Variants in SNAP91 observed in about 807,000 individuals in gnomAD.
The protein encoded by SNAP91 is clathrin coat assembly protein AP180.
In SNAP91, 27 loss-of-function variants were observed where a neutral mutation model predicts 100.3. That is an observed-to-expected ratio of 0.27 (90% CI 0.20 to 0.37). SNAP91 has a LOEUF of 0.37. Among genes scored for constraint, SNAP91 ranks in the 10% least tolerant of loss-of-function variants. The probability of loss-of-function intolerance (pLI) is 1.00; values close to 1 mark genes in which losing one functional copy is unlikely to be tolerated. For missense variants in SNAP91, 986 were observed against 1,123.7 expected (o/e 0.88, Z 1.75); for synonymous variants, 404 against 398.6 (o/e 1.01, Z -0.16).
chr6:83,697,886 G>A (rs569767718), intron 2 of SNAP91, among the ~76,000 whole-genome samples: 30 of 152,112 alleles, frequency 2.0e-4, no homozygotes, highest in African/African-American at 3.1e-4. Context: ...TATGTTTGGC[G>A]TGAGGAATAA....
intron 11 of SNAP91, among the ~76,000 whole-genome samples, chr6:83,614,300 T>C (rs1317988207): frequency 1.3e-5 from 2 of 152,136 alleles, no homozygotes; most frequent in Non-Finnish European, 2.9e-5. Context: ...AAACAGACAA[T>C]ATATAAAGGT....
chr6:83,571,033 T>C lies in SNAP91; in HGVS notation c.2442+3977A>G, dbSNP rs945941136. On this transcript the variant is annotated intron_variant, in intron 26 of 29. Coordinates refer to ENST00000369694, the MANE Select transcript of SNAP91 (RefSeq NM_001242792.2). Reference sequence around the variant, plus strand: ...GCCACAGACACTCAACACCAGCCTGTGAAAGCACCCAGGAGGAGGGCTATA... The same window carrying C: ...GCCACAGACACTCAACACCAGCCTGCGAAAGCACCCAGGAGGAGGGCTATA... Among the ~76,000 whole-genome samples the C allele has an allele frequency of 2.6e-5, 4 of 151,654 alleles. No individual in the cohort carries two copies. In the East Asian group the frequency reaches 7.8e-4, roughly 29 times the overall value.
At chr6:83,674,591 G>A (rs1053055667) in intron 2 of SNAP91, among the ~76,000 whole-genome samples, 5 of 152,096 alleles carry the variant, frequency 3.3e-5, no homozygotes, top group Non-Finnish European at 7.4e-5. Context: ...CCAGCTCTAA[G>A]TTTCTCTGAG....
chr6:83,645,158 G>T (rs1253783446), intron 7 of SNAP91, among the ~76,000 whole-genome samples: 1 of 151,970 alleles, frequency 6.6e-6, no homozygotes, highest in African/African-American at 2.4e-5. Context: ...GAAAGTCCTT[G>T]AACACTGCTT....
intron 26 of SNAP91, among the ~76,000 whole-genome samples, chr6:83,564,614 C>T (rs891011911): frequency 6.6e-6 from 1 of 152,062 alleles, no homozygotes; most frequent in Admixed American, 6.6e-5. Context: ...ATCCATACAT[C>T]TTAGCTTTCC....
At chr6:83,571,137 G>C (rs1026643266) in intron 26 of SNAP91, among the ~76,000 whole-genome samples, 11 of 151,000 alleles carry the variant, frequency 7.3e-5, no homozygotes, top group African/African-American at 2.7e-4. Flanking sequence ...GTGGAGTCTC[G>C]CTCTGTCACA....
intron 2 of SNAP91, among the ~76,000 whole-genome samples, chr6:83,671,655 G>C (rs2098788712): frequency 6.6e-6 from 1 of 151,992 alleles, no homozygotes; most frequent in South Asian, 2.1e-4. Context: ...TCTCTCTAAG[G>C]TGAGATTTTC....
At chr6:83,646,144 T>C (rs1351004269) in intron 7 of SNAP91, among the ~76,000 whole-genome samples, 11 of 152,240 alleles carry the variant, frequency 7.2e-5, no homozygotes, top group Non-Finnish European at 1.5e-4. Context: ...ATGTGGTTTT[T>C]GCAAATATTG....
At chr6:83,708,086 G>A (rs1222326851) in intron 1 of SNAP91, 129 bp from the exon 2 acceptor site, 13 of 781,402 alleles carry the variant, frequency 1.7e-5, no homozygotes, top group Middle Eastern at 3.7e-4. Context: ...ACCACCTCTC[G>A]GAGCCAGCAA....
chr6:83,571,404 G>A (rs757196892), intron 26 of SNAP91, among the ~76,000 whole-genome samples: 5 of 152,094 alleles, frequency 3.3e-5, no homozygotes, highest in Admixed American at 6.5e-5. Flanking sequence ...TGCCTGGCCC[G>A]GGAGCCCACC....
intron 2 of SNAP91, among the ~76,000 whole-genome samples, chr6:83,683,724 T>C (rs2099023090): frequency 6.6e-6 from 1 of 152,206 alleles, no homozygotes; most frequent in Admixed American, 6.5e-5. Context: ...TCCATGCCCA[T>C]ACTTCTAGTA....
chr6:83,662,413 G>T lies in SNAP91; in HGVS notation c.283C>A (p.Gln95Lys). ...AGTGTATTTCTAGAAGCCAAATATT[G>T]AATAAATCTCTGAAAAACAAAAATT... ...LMVHGNERFI[Q>K]YLASRNTLFN... Residue 95 changes from glutamine (Q) to lysine (K), a missense_variant, in exon 4 of 30, where the codon CAA (glutamine) becomes AAA (lysine). Coordinates refer to ENST00000369694, the MANE Select transcript of SNAP91 (RefSeq NM_001242792.2). The T allele has an allele frequency of 7.5e-7, 1 of 1,339,704 alleles. No homozygotes were observed. Among genetic ancestry groups the T allele is most frequent in the South Asian group, 1.7e-5 (1 of 58,356 alleles). The allele number at this position is 1,339,704 out of a possible 1,614,324, so 83.0% of individuals were successfully genotyped here.
intron 9 of SNAP91, among the ~76,000 whole-genome samples, chr6:83,622,773 A>G (rs1223665744): frequency 1.3e-5 from 2 of 152,064 alleles, no homozygotes; most frequent in African/African-American, 4.8e-5. Flanking sequence ...TGGGCTCCAG[A>G]AAAATTGCTC....
chr6:83,658,973 G>T (rs1284890463), intron 6 of SNAP91, 26 bp downstream of exon 6: 2 of 1,517,678 alleles, frequency 1.3e-6, no homozygotes, highest in Non-Finnish European at 1.8e-6. Flanking sequence ...GATTGTGTAT[G>T]AAACATTTTC....
chr6:83,574,223 A>C lies in SNAP91; in HGVS notation c.2442+787T>G, dbSNP rs553253658. Among the ~76,000 whole-genome samples, 3 of 152,310 alleles carry C rather than the reference A, an allele frequency of 2.0e-5. No individual in the cohort carries two copies. In the East Asian group the frequency reaches 5.8e-4, roughly 29 times the overall value. On this transcript the variant is annotated intron_variant, in intron 26 of 29. Transcript: ENST00000369694. ...AAAACTGCCAGTAAGTTTGGGAAAC[A>C]GTGATTAGCTTAGTTTTGCTAAACA...
chr6:83,594,460 C>G lies in SNAP91; in HGVS notation c.1346G>C (p.Gly449Ala). The G allele has an allele frequency of 6.6e-7, 1 of 1,523,836 alleles. No individual in the cohort carries two copies. The allele number at this position is 1,523,836 out of a possible 1,614,324, so 94.4% of individuals were successfully genotyped here. The change falls in exon 17 of 30, where the codon GGG (glycine) becomes GCG (alanine). Residue 449 changes from glycine (G) to alanine (A), a missense_variant. By Grantham distance (60) the Gly-to-Ala change is moderately conservative. Coordinates refer to ENST00000369694, the MANE Select transcript of SNAP91 (RefSeq NM_001242792.2). ...CCCTTCGGATGCTGCAGGGGCCTCC[C>G]CAGGAGAAGCTGCAAAGGCATCTTG... ...LFGDAFAASP[G>A]EAPAASEGAA...
At chr6:83,669,946 G>T (rs984314932) in intron 2 of SNAP91, among the ~76,000 whole-genome samples, 1 of 151,908 alleles carries the variant, frequency 6.6e-6, no homozygotes, top group Non-Finnish European at 1.5e-5. Flanking sequence ...AAATAAAGCT[G>T]CTATGAACAT....
In SNAP91 at chr6:83,582,297, G is replaced by A. The variant is rs759072157; in HGVS notation, c.2074C>T (p.Leu692=). 5.0e-6 allele frequency: 8 copies of A among 1,613,570 alleles called. No homozygotes were observed. The African/African-American group carries it at 9.4e-5, about 19-fold the overall frequency. The change falls in exon 23 of 30, where the codon CTG becomes TTG. Residue 692 remains leucine (L), a synonymous_variant. Transcript: ENST00000369694. ...GCTGCCTCAAAATTGGGCTGTAGCA[G>A]GTTATTCTGAGCTGGAGTCACTGGA... ...PSPVTPAQNN[L]LQPNFEAAFG...
intron 8 of SNAP91, among the ~76,000 whole-genome samples, chr6:83,630,165 A>G (rs1386954522): frequency 6.6e-6 from 1 of 152,138 alleles, no homozygotes; most frequent in East Asian, 1.9e-4. Flanking sequence ...ATTGACTTGC[A>G]TATGTTAAAC....
Sources: gnomAD v4.1 joint callset for allele counts (sites outside exome capture counted in the v4.1 genomes callset) on GRCh38, gnomAD v4.1.1 for gene constraint, MANE v1.5 for transcripts, NCBI Gene and HGNC (gene_info 2026-07-23, HGNC 2026-07-21) for gene names.